Variants in KAT2A observed in about 807,000 individuals in gnomAD.
KAT2A encodes the protein histone acetyltransferase KAT2A.
A neutral mutation model predicts 95.2 loss-of-function variants in KAT2A; 42 were observed. The observed-to-expected ratio is 0.44, with a 90% CI of 0.34 to 0.57. The LOEUF (loss-of-function observed/expected upper bound fraction) is 0.57. Ranked by LOEUF, KAT2A falls within the 20% of genes least tolerant of loss-of-function variation. The pLI, the probability that KAT2A is intolerant of heterozygous loss-of-function variation, is 0.01. For missense variants in KAT2A, 784 were observed against 1,126.3 expected, an observed-to-expected ratio of 0.70 and a Z score of 4.35; for synonymous variants, 449 against 448.2, an observed-to-expected ratio of 1.00 and a Z score of -0.02.
In KAT2A at chr17:42,120,066, C is replaced by G. The variant is rs1159057649; in HGVS notation, c.663G>C (p.Leu221=). The change falls in exon 4 of 18, where the codon CTG becomes CTC. Residue 221 remains leucine (L), a synonymous_variant. Transcript: ENST00000225916. ...QMTRPVVEGS[L]GSPPFEKPNI... ...TAGGTTTCTCAAATGGAGGGCTGCC[C>G]AGGGACCCCTCCACCACAGGCCGGG... is the stretch of plus-strand genomic sequence containing the variant. 2.5e-6 allele frequency: 4 copies of G among 1,613,992 alleles called. No individual in the cohort carries two copies. Among genetic ancestry groups the G allele is most frequent in the Non-Finnish European group, 3.4e-6 (4 of 1,179,978 alleles).
rs1486582078 is a variant in KAT2A, at chr17:42,114,002, A to G, written c.2318T>C (p.Ile773Thr). ...PDYYEVIRFP[I>T]DLKTMTERLR... is the part of the protein sequence containing the mutation. ...GGGATGGAATGGAAGGTCCTCACCA[A>G]TGGGGAAGCGGATGACCTCGTAGTA... Residue 773 changes from isoleucine to threonine, a missense_variant and splice_region_variant, in exon 17 of 18, where the codon ATT (isoleucine) becomes ACT (threonine). Around this residue, in one of 6 missense-constraint regions of KAT2A, gnomAD observed 195 missense variants for 247.1 expected, o/e 0.79. Coordinates refer to ENST00000225916, the MANE Select transcript of KAT2A (RefSeq NM_021078.3). This position sits in a 1 kb window ranked among gnomAD's most constrained non-coding sequence, Gnocchi z 6.0. The G allele has an allele frequency of 5.3e-6, 8 of 1,514,140 alleles. No homozygotes were observed. Among genetic ancestry groups the G allele is most frequent in the Non-Finnish European group, 7.0e-6 (8 of 1,135,248 alleles). The allele number at this position is 1,514,140 out of a possible 1,614,324, so 93.8% of individuals were successfully genotyped here.
chr17:42,115,549 T>G, intron 12 of KAT2A, 174 bp downstream of exon 12: 1 of 594,496 alleles, frequency 1.7e-6, no homozygotes. Context: ...CAGGCCCTCA[T>G]TCTCCCCTGG....
At position 42,119,281 on chromosome 17, in the gene KAT2A, G is replaced by A; in HGVS notation, c.1037C>T (p.Pro346Leu). 1 of 1,613,584 alleles carries A rather than the reference G, an allele frequency of 6.2e-7. No homozygotes were observed. The highest frequency in any genetic ancestry group is 1.3e-5 in the African/African-American group (1 of 75,042). Residue 346 changes from proline to leucine, a missense_variant, in exon 6 of 18, where the codon CCC becomes CTC. By Grantham distance (98) the Pro-to-Leu change is moderately conservative. Transcript: ENST00000225916. This position sits in a 1 kb window ranked among gnomAD's most constrained non-coding sequence, Gnocchi z 5.3. ...AGTGAGGATGAGGGTCCTCTTCTCG[G>A]GCACCAATTTGTCCTTCTCCACTCG... ...KFRVEKDKLV[P>L]EKRTLILTHF...
intron 2 of KAT2A, 84 bp downstream of exon 2, chr17:42,120,622 G>A: frequency 6.4e-7 from 1 of 1,562,382 alleles, no homozygotes; most frequent in Non-Finnish European, 8.7e-7. Context: ...GATTTTTTCA[G>A]AGATGAAGCT....
At position 42,119,239 on chromosome 17, in the gene KAT2A, C is replaced by G. The variant is rs1555666755; in HGVS notation, c.1073+6G>C. On this transcript the variant is annotated splice_donor_region_variant and intron_variant, in intron 6 of 17. Coordinates refer to ENST00000225916, the MANE Select transcript of KAT2A (RefSeq NM_021078.3). The surrounding 1 kb of genome is among the most constrained non-coding windows in gnomAD (Gnocchi z 5.3). ...CCAAATCCTGGTAGGCCAGAAGGAGCCTTACTTGGGGAAGTGAGTGAGGAT... is the reference window on the plus strand; with the variant it reads ...CCAAATCCTGGTAGGCCAGAAGGAGGCTTACTTGGGGAAGTGAGTGAGGAT... 4.4e-6 allele frequency: 7 copies of G among 1,596,548 alleles called. No homozygotes were observed. The highest frequency in any genetic ancestry group is 6.0e-6 in the Non-Finnish European group (7 of 1,168,208).
At chr17:42,118,456 G>T (rs1555666619) in intron 6 of KAT2A, 53 bp from the exon 7 acceptor site, 7 of 1,312,598 alleles carry the variant, frequency 5.3e-6, no homozygotes, top group Non-Finnish European at 1.1e-6. Context: ...GGTGCAGCCT[G>T]GGCCAGGCAG....
At position 42,119,550 on chromosome 17, in the gene KAT2A, C is replaced by T; in HGVS notation, c.868G>A (p.Val290Ile). The T allele has an allele frequency of 6.3e-7, 1 of 1,598,390 alleles. No individual in the cohort carries two copies. Among genetic ancestry groups the T allele is most frequent in the Non-Finnish European group, 8.5e-7 (1 of 1,171,532 alleles). ...GGCTGGGCCTACCTGGTGTAATTGA[C>T]CTTGTAGGTAGCCACGTCCTCAGCC... ...SQAEDVATYK[V>I]NYTRWLCYCH... Residue 290 changes from valine (V) to isoleucine (I), a missense_variant, in exon 5 of 18, where the codon GTC (valine) becomes ATC (isoleucine). This residue lies in a region of KAT2A where 208 missense variants were observed against 339.7 expected (regional missense o/e 0.61). Transcript: ENST00000225916. This position sits in a 1 kb window ranked among gnomAD's most constrained non-coding sequence, Gnocchi z 5.3.
rs2144041563 is a variant in KAT2A, at chr17:42,119,580, A to G, written c.838T>C (p.Ser280Pro). 6.2e-7 allele frequency: 1 copy of G among 1,611,464 alleles called. No individual in the cohort carries two copies. The highest frequency in any genetic ancestry group is 8.5e-7 in the Non-Finnish European group (1 of 1,178,504). ...LETPAQFRQR[S>P]QAEDVATYKV... ...TAGGTAGCCACGTCCTCAGCCTGAG[A>G]CCTCTGCCGAAACTGGGCAGGTGTC... Residue 280 changes from serine to proline, a missense_variant, in exon 5 of 18, where the codon TCT (serine) becomes CCT (proline). Physicochemically the swap from Ser to Pro is moderately conservative, Grantham distance 74. Transcript: ENST00000225916. The surrounding 1 kb of genome is among the most constrained non-coding windows in gnomAD (Gnocchi z 5.3).
In KAT2A at chr17:42,121,265, C is replaced by T; in HGVS notation, c.40G>A (p.Ala14Thr). The T allele has an allele frequency of 7.3e-7, 1 of 1,367,438 alleles. No homozygotes were observed. Among genetic ancestry groups the T allele is most frequent in the Non-Finnish European group, 9.4e-7 (1 of 1,061,904 alleles). 84.7% of individuals were successfully genotyped at this position (1,367,438 alleles called of 1,614,324 possible). ...PSQAPTPAPA[A>T]QPRPLQSPAP... ...GGGGACTGAAGGGGCCGGGGCTGCG[C>T]AGCCGGGGCCGGGGTCGGGGCCTGG... The change falls in exon 1 of 18, where the codon GCG becomes ACG. Residue 14 changes from alanine (A) to threonine (T), a missense_variant. By Grantham distance (58) the Ala-to-Thr change is moderately conservative. Transcript: ENST00000225916.
At position 42,117,610 on chromosome 17, in the gene KAT2A, A is replaced by C; in HGVS notation, c.1429-14T>G. 4 of 1,608,984 alleles carry C rather than the reference A, an allele frequency of 2.5e-6. No homozygotes were observed. The highest frequency in any genetic ancestry group is 2.5e-6 in the Non-Finnish European group (3 of 1,177,034). ...AAGCAGGCTCGTCTGGGCACAGAAG[A>C]GGGGTGGTGAGCCGGGGTCTCAGGT... is the stretch of plus-strand genomic sequence containing the variant. On this transcript the variant is annotated splice_polypyrimidine_tract_variant and intron_variant, in intron 9 of 17. Coordinates refer to ENST00000225916, the MANE Select transcript of KAT2A (RefSeq NM_021078.3). The surrounding 1 kb of genome is among the most constrained non-coding windows in gnomAD (Gnocchi z 8.9).
At chr17:42,115,269 C>A in intron 12 of KAT2A, among the ~76,000 whole-genome samples, 1 of 141,964 alleles carries the variant, frequency 7.0e-6, no homozygotes, top group African/African-American at 2.7e-5. Context: ...TCTACTGGCC[C>A]CCCAGTTCCT....
At position 42,113,424 on chromosome 17, in the gene KAT2A, G is replaced by A; in HGVS notation, c.*225C>T. 1 of 465,968 alleles carries A rather than the reference G, an allele frequency of 2.1e-6. No individual in the cohort carries two copies. Among genetic ancestry groups the A allele is most frequent in the Non-Finnish European group, 3.8e-6 (1 of 265,642 alleles). 28.9% of individuals were successfully genotyped at this position (465,968 alleles called of 1,614,324 possible). A position where few individuals can be genotyped will look rare whatever the true frequency, so the allele number is the denominator to read the frequency against. Reference sequence around the variant, plus strand: ...GGCCACCAGCTACTCTAGAGGGGCTGGGCCCCAACCCAGGAGACCTCTCAC... The same window carrying A: ...GGCCACCAGCTACTCTAGAGGGGCTAGGCCCCAACCCAGGAGACCTCTCAC... On this transcript the variant is annotated 3_prime_UTR_variant, in exon 18 of 18. Coordinates refer to ENST00000225916, the MANE Select transcript of KAT2A (RefSeq NM_021078.3).
Position 42,116,249 on chromosome 17 carries a change from C to T in KAT2A, c.1765-416G>A, listed in dbSNP as rs12601006. On this transcript the variant is annotated intron_variant, in intron 11 of 17. Transcript: ENST00000225916. Reference sequence around the variant, plus strand: ...CCCTGGGCCTCAGAGTTGGGAGAAGCGGGAGAGGGAGTCACCAGAGGTCTG... The same window carrying T: ...CCCTGGGCCTCAGAGTTGGGAGAAGTGGGAGAGGGAGTCACCAGAGGTCTG... Among the ~76,000 whole-genome samples, 199 of 152,238 alleles carry T rather than the reference C, an allele frequency of 1.3e-3. 2 individuals are homozygous for T. The East Asian group carries it at 0.023, about 18-fold the overall frequency.
rs1183685839 is a variant in KAT2A at position 42,113,276 on chromosome 17, G to C, written c.*373C>G. On this transcript the variant is annotated 3_prime_UTR_variant, in exon 18 of 18. Transcript: ENST00000225916. ...TCCAACCCCTGAAGCCATCACTCAA[G>C]CTAAAATGAGCAGTTCTGGTCCTCA... The C allele has an allele frequency of 3.1e-5, 6 of 193,776 alleles. No individual in the cohort carries two copies. Among genetic ancestry groups the C allele is most frequent in the African/African-American group, 1.4e-4 (6 of 42,204 alleles). 12.0% of individuals were successfully genotyped at this position (193,776 alleles called of 1,614,324 possible).
At position 42,114,690 on chromosome 17, in the gene KAT2A, C is replaced by T; in HGVS notation, c.2020-86G>A. Reference sequence around the variant, plus strand: ...CACAGTCGGAGCCACTGGCTGCACCCACCCAGCTGCAACGCCACCTAATCC... The same window carrying T: ...CACAGTCGGAGCCACTGGCTGCACCTACCCAGCTGCAACGCCACCTAATCC... On this transcript the variant is annotated intron_variant, in intron 13 of 17. Coordinates refer to ENST00000225916, the MANE Select transcript of KAT2A (RefSeq NM_021078.3). This position sits in a 1 kb window ranked among gnomAD's most constrained non-coding sequence, Gnocchi z 6.0. 1 of 1,285,266 alleles carries T rather than the reference C, an allele frequency of 7.8e-7. No individual in the cohort carries two copies. Among genetic ancestry groups the T allele is most frequent in the Non-Finnish European group, 1.1e-6 (1 of 901,516 alleles). 79.6% of individuals were successfully genotyped at this position (1,285,266 alleles called of 1,614,324 possible).
intron 6 of KAT2A, 125 bp from the exon 7 acceptor site, chr17:42,118,528 AG>A: frequency 3.0e-6 from 2 of 677,386 alleles, no homozygotes; most frequent in East Asian, 5.3e-5. Context: ...GACCTGAGAG[AG>A]GGGACAGCCC....
In KAT2A at chr17:42,113,544, T is replaced by C; in HGVS notation, c.*105A>G. On this transcript the variant is annotated 3_prime_UTR_variant, in exon 18 of 18. Transcript: ENST00000225916. The stretch of plus-strand genomic sequence containing the variant: ...GGGTCCGGAGGACCCTTGGCTGGAG[T>C]GTCTCAAGCTGAGTCGGGTCCGTGG... 1.9e-6 allele frequency: 2 copies of C among 1,077,358 alleles called. No individual in the cohort carries two copies. Among genetic ancestry groups the C allele is most frequent in the Middle Eastern group, 2.3e-4 (1 of 4,294 alleles). 66.7% of individuals were successfully genotyped at this position (1,077,358 alleles called of 1,614,324 possible). A position where few individuals can be genotyped will look rare whatever the true frequency, so the allele number is the denominator to read the frequency against.
chr17:42,119,828 C>CCTCT lies in KAT2A; in HGVS notation c.700-114_700-111dup. On this transcript the variant is annotated intron_variant, in intron 4 of 17. Coordinates refer to ENST00000225916, the MANE Select transcript of KAT2A (RefSeq NM_021078.3). The surrounding 1 kb of genome is among the most constrained non-coding windows in gnomAD (Gnocchi z 5.3). ...TGGCCAGGGACAAGGTTCTCCTTCT[C>CCTCT]CTCTCTCTCTCGGGTGCTCTCTATA... 1 of 1,056,108 alleles carries CCTCT rather than the reference C, an allele frequency of 9.5e-7. No homozygotes were observed. The highest frequency in any genetic ancestry group is 1.4e-6 in the Non-Finnish European group (1 of 729,768). 65.4% of individuals were successfully genotyped at this position (1,056,108 alleles called of 1,614,324 possible).
chr17:42,116,592 T>C (rs1345594060), intron 11 of KAT2A, among the ~76,000 whole-genome samples: 4 of 152,146 alleles, frequency 2.6e-5, no homozygotes, highest in Non-Finnish European at 4.4e-5. Flanking sequence ...CCAGACGTAG[T>C]GGTGCATGCC....
Sources: gnomAD v4.1 joint callset for allele counts (sites outside exome capture counted in the v4.1 genomes callset) on GRCh38, gnomAD v4.1.1 for gene constraint, gnomAD v4.1.1 regional missense constraint, Gnocchi (gnomAD v3.1) non-coding constraint, MANE v1.5 for transcripts, NCBI Gene and HGNC (gene_info 2026-07-23, HGNC 2026-07-21) for gene names.